Variants in ARHGEF28 observed in about 807,000 individuals in gnomAD.
ARHGEF28 encodes the protein Rho guanine nucleotide exchange factor 28.
A neutral mutation model predicts 206.6 loss-of-function variants in ARHGEF28; 152 were observed. The ratio of observed to expected loss-of-function variants is 0.74; its 90% CI spans 0.64 to 0.84. The LOEUF (loss-of-function observed/expected upper bound fraction) is 0.84, where lower values mean the gene tolerates loss of function less well. Among genes scored for constraint, ARHGEF28 ranks in the 40% least tolerant of loss-of-function variants. ARHGEF28 has a pLI of 0.00. For missense variants in ARHGEF28, 2,028 were observed against 2,073.2 expected, an observed-to-expected ratio of 0.98 and a Z score of 0.42; for synonymous variants, 763 against 776.4, an observed-to-expected ratio of 0.98 and a Z score of 0.29.
chr5:73,859,605 T>C (rs1759264351), intron 16 of ARHGEF28, among the ~76,000 whole-genome samples: 1 of 152,242 alleles, frequency 6.6e-6, no homozygotes, highest in South Asian at 2.1e-4. Flanking sequence ...ACTTGATTTC[T>C]TTCTTTTCCT....
chr5:73,917,477 G>A (rs1461603040), intron 35 of ARHGEF28, among the ~76,000 whole-genome samples: 3 of 152,166 alleles, frequency 2.0e-5, no homozygotes, highest in African/African-American at 4.8e-5. Flanking sequence ...GATGACATTC[G>A]CTTGTAGAGC....
At chr5:73,733,970 C>T (rs191559304) in intron 2 of ARHGEF28, among the ~76,000 whole-genome samples, 301 of 152,088 alleles carry the variant, frequency 2.0e-3, no homozygotes, top group African/African-American at 7.1e-3. Flanking sequence ...AAGGGGGACA[C>T]GTTATACACT....
intron 22 of ARHGEF28, among the ~76,000 whole-genome samples, chr5:73,880,799 G>C (rs1439259333): frequency 6.6e-6 from 1 of 152,104 alleles, no homozygotes; most frequent in African/African-American, 2.4e-5. Flanking sequence ...TTGGCGTGGT[G>C]GTATGCACTT....
intron 2 of ARHGEF28, among the ~76,000 whole-genome samples, chr5:73,705,681 T>A (rs1195012330): frequency 6.6e-6 from 1 of 152,212 alleles, no homozygotes; most frequent in Admixed American, 6.5e-5. Flanking sequence ...AAGGGCAGCC[T>A]GCTGAAGGAG....
chr5:73,783,253 A>G (rs999529082), intron 7 of ARHGEF28, among the ~76,000 whole-genome samples: 1 of 152,032 alleles, frequency 6.6e-6, no homozygotes, highest in Admixed American at 6.6e-5. Flanking sequence ...GCTGTGATCT[A>G]ATGGAGGGAA....
At chr5:73,879,646 C>T (rs1561480379) in intron 22 of ARHGEF28, among the ~76,000 whole-genome samples, 1 of 152,220 alleles carries the variant, frequency 6.6e-6, no homozygotes, top group Admixed American at 6.5e-5. Flanking sequence ...TTCTAACGGA[C>T]AGGACCTTCA....
chr5:73,716,988 C>T (rs1245980270), intron 2 of ARHGEF28, among the ~76,000 whole-genome samples: 1 of 151,988 alleles, frequency 6.6e-6, no homozygotes, highest in African/African-American at 2.4e-5. Flanking sequence ...TTAGATGTGA[C>T]TTTTTAATAT....
At chr5:73,675,350 T>A (rs889185008) in intron 1 of ARHGEF28, among the ~76,000 whole-genome samples, 2 of 152,108 alleles carry the variant, frequency 1.3e-5, no homozygotes, top group Admixed American at 6.5e-5. Context: ...AATGTGAATC[T>A]CCTTAAAATG....
At chr5:73,762,163 A>G (rs555468261) in intron 4 of ARHGEF28, among the ~76,000 whole-genome samples, 14 of 152,068 alleles carry the variant, frequency 9.2e-5, no homozygotes, top group Non-Finnish European at 1.3e-4. Flanking sequence ...CTTTAAAAAA[A>G]TCTATTTTGA....
chr5:73,756,656 T>C (rs561191609), intron 4 of ARHGEF28, among the ~76,000 whole-genome samples: 1 of 152,318 alleles, frequency 6.6e-6, no homozygotes, highest in South Asian at 2.1e-4. Context: ...ATATGGATAT[T>C]GGCTAAGTTT....
chr5:73,799,028 G>A (rs1754987795), intron 9 of ARHGEF28, among the ~76,000 whole-genome samples: 1 of 152,188 alleles, frequency 6.6e-6, no homozygotes, highest in Admixed American at 6.5e-5. Context: ...AGAGGTTGCA[G>A]TGAGCCAAGA....
intron 29 of ARHGEF28, among the ~76,000 whole-genome samples, chr5:73,896,843 C>T (rs772078738): frequency 1.3e-5 from 2 of 152,222 alleles, no homozygotes; most frequent in African/African-American, 2.4e-5. Flanking sequence ...ATTCCCCTGG[C>T]ACACCGTGAC....
chr5:73,767,191 G>T (rs1369682034), intron 4 of ARHGEF28, among the ~76,000 whole-genome samples: 1 of 152,110 alleles, frequency 6.6e-6, no homozygotes, highest in Non-Finnish European at 1.5e-5. Context: ...TTTGTAAATT[G>T]CCCAGTCTCA....
intron 20 of ARHGEF28, among the ~76,000 whole-genome samples, chr5:73,868,521 TA>T (rs1759860152): frequency 6.6e-6 from 1 of 152,226 alleles, no homozygotes; most frequent in Non-Finnish European, 1.5e-5. Context: ...TGCTTATTAT[TA>T]AAAATGTTTT....
At chr5:73,748,618 T>C (rs1182045965) in intron 2 of ARHGEF28, among the ~76,000 whole-genome samples, 1 of 152,194 alleles carries the variant, frequency 6.6e-6, no homozygotes, top group African/African-American at 2.4e-5. Flanking sequence ...ATCTGTTCAC[T>C]TTCTCCTCTA....
intron 14 of ARHGEF28, 82 bp from the exon 15 acceptor site, chr5:73,857,564 TACACACACAC>T (rs4066802): frequency 1.2e-5 from 14 of 1,193,540 alleles, no homozygotes; most frequent in African/African-American, 3.1e-5. Context: ...CATATATGTG[TACACACACAC>T]ACACACACAC....
At chr5:73,736,985 A>G (rs990676424) in intron 2 of ARHGEF28, among the ~76,000 whole-genome samples, 3 of 152,132 alleles carry the variant, frequency 2.0e-5, no homozygotes, top group African/African-American at 4.8e-5. Context: ...GGAGTCCCCA[A>G]GTGTGCTCTC....
intron 1 of ARHGEF28, among the ~76,000 whole-genome samples, chr5:73,639,422 G>A (rs1055954695): frequency 4.0e-5 from 6 of 151,656 alleles, no homozygotes; most frequent in African/African-American, 1.2e-4. Context: ...TTGGATATTT[G>A]GGTCAGTATA....
At chr5:73,631,291 A>T (rs35522414) in intron 1 of ARHGEF28, among the ~76,000 whole-genome samples, 58,955 of 152,020 alleles carry the variant, frequency 0.39, 12,587 homozygotes, top group Admixed American at 0.55. Context: ...GTCTTTTCCC[A>T]CTAAGACCCT....
Sources: gnomAD v4.1 joint callset for allele counts (sites outside exome capture counted in the v4.1 genomes callset) on GRCh38, gnomAD v4.1.1 for gene constraint, MANE v1.5 for transcripts, NCBI Gene and HGNC (gene_info 2026-07-23, HGNC 2026-07-21) for gene names.